The following SCUBE2 variants were observed in gnomAD, a reference collection of about 807,000 sequenced individuals.
The protein encoded by SCUBE2 is signal peptide, CUB and EGF-like domain-containing protein 2.
A neutral mutation model predicts 125.9 loss-of-function variants in SCUBE2; 114 were observed. That is an observed-to-expected ratio of 0.91 (90% CI 0.78 to 1.06). The LOEUF is 1.06. Ranked by LOEUF, SCUBE2 falls within the 50% of genes least tolerant of loss-of-function variation. The pLI, the probability that SCUBE2 is intolerant of heterozygous loss-of-function variation, is 0.00. For missense variants in SCUBE2, 1,255 were observed against 1,301.8 expected (o/e 0.96, Z 0.55); for synonymous variants, 459 against 492.9 (o/e 0.93, Z 0.91).
intron 5 of SCUBE2, among the ~76,000 whole-genome samples, chr11:9,068,962 A>G (rs115243179): frequency 0.011 from 1,633 of 152,318 alleles, 29 homozygotes; most frequent in African/African-American, 0.038. Context: ...GGAGGCATCA[A>G]AGGATTTGGG....
At chr11:9,089,959 C>T (rs971826991) in intron 1 of SCUBE2, 130 bp from the exon 2 acceptor site, 1 of 1,237,906 alleles carries the variant, frequency 8.1e-7, no homozygotes, top group African/African-American at 1.5e-5. Context: ...TGCTTGGGAT[C>T]CCTGGGATAA....
chr11:9,090,635 G>A (rs1164732732), intron 1 of SCUBE2, among the ~76,000 whole-genome samples: 2 of 151,992 alleles, frequency 1.3e-5, no homozygotes, highest in African/African-American at 4.8e-5. Context: ...CCCGGGATCG[G>A]AGCAGATGTC....
intron 10 of SCUBE2, among the ~76,000 whole-genome samples, chr11:9,054,717 ATATATATATTTTTTTTTT>A (rs1564823032): frequency 4.6e-5 from 3 of 65,928 alleles, no homozygotes; most frequent in African/African-American, 1.9e-4. Flanking sequence ...ATATATATAT[ATATATATATTTTTTTTTT>A]TTTTTTTTTT....
intron 10 of SCUBE2, among the ~76,000 whole-genome samples, chr11:9,054,701 G>GTATATATATATATATATATATATA (rs1210852364): frequency 3.5e-4 from 18 of 51,064 alleles, no homozygotes; most frequent in African/African-American, 1.6e-3. Context: ...AAGCACTAGT[G>GTATATATATATATATATATATATA]TATATATATA....
At chr11:9,044,138 T>A (rs886759223) in intron 16 of SCUBE2, among the ~76,000 whole-genome samples, 1 of 152,234 alleles carries the variant, frequency 6.6e-6, no homozygotes. Flanking sequence ...TTCAAACAAA[T>A]ACAGCCTGGG....
intron 14 of SCUBE2, among the ~76,000 whole-genome samples, chr11:9,049,647 T>C (rs1436091543): frequency 6.6e-6 from 1 of 152,160 alleles, no homozygotes; most frequent in African/African-American, 2.4e-5. Context: ...AAAATTAAAA[T>C]TACCCATGCC....
chr11:9,068,920 G>A (rs1266668337), intron 5 of SCUBE2, among the ~76,000 whole-genome samples: 3 of 152,186 alleles, frequency 2.0e-5, no homozygotes, highest in Non-Finnish European at 4.4e-5. Flanking sequence ...AGTCCACCAC[G>A]CCAGGAAGGC....
chr11:9,077,878 G>T (rs1166500419), intron 3 of SCUBE2, among the ~76,000 whole-genome samples: 1 of 152,218 alleles, frequency 6.6e-6, no homozygotes, highest in Non-Finnish European at 1.5e-5. Context: ...TGCCTTCAGG[G>T]TTTCCAAGCA....
In SCUBE2 at chr11:9,059,381, A is replaced by C; in HGVS notation, c.1012T>G (p.Cys338Gly). The C allele has an allele frequency of 6.2e-7, 1 of 1,614,266 alleles. No individual in the cohort carries two copies. The highest frequency in any genetic ancestry group is 8.5e-7 in the Non-Finnish European group (1 of 1,180,040). The part of the protein sequence containing the change: ...QTRNGGCDHF[C>G]KNIVGSFDCG... ...TCAAAACTGCCCACGATGTTTTTGC[A>C]GAAATGATCACAACCTCCATTGCGG... is the stretch of plus-strand genomic sequence containing the variant. The change falls in exon 9 of 23, where the codon TGC becomes GGC. Residue 338 changes from cysteine to glycine, a missense_variant. Cys to Gly is a radical substitution (Grantham distance 159). Around this residue, in one of 3 missense-constraint regions of SCUBE2, gnomAD observed 378 missense variants for 463.1 expected, o/e 0.82. Coordinates refer to ENST00000649792, the MANE Select transcript of SCUBE2 (RefSeq NM_001367977.2).
At chr11:9,021,287 C>T (rs1289463169) in intron 22 of SCUBE2, 90 bp from the exon 23 acceptor site, 9 of 1,110,534 alleles carry the variant, frequency 8.1e-6, no homozygotes, top group Admixed American at 3.1e-5. Flanking sequence ...AGTATTAGGC[C>T]GTAGCTTGCT....
intron 10 of SCUBE2, among the ~76,000 whole-genome samples, chr11:9,053,990 CTTTTTTTTTT>C (rs11474890): frequency 6.7e-5 from 5 of 75,064 alleles, no homozygotes; most frequent in African/African-American, 2.8e-4. Flanking sequence ...AAGCTCCACT[CTTTTTTTTTT>C]TTTTTTTTTT....
At chr11:9,029,627 C>A (rs1856109171) in intron 19 of SCUBE2, among the ~76,000 whole-genome samples, 1 of 152,162 alleles carries the variant, frequency 6.6e-6, no homozygotes, top group Non-Finnish European at 1.5e-5. Context: ...AAAATTATGC[C>A]CCAGGGAGGA....
intron 4 of SCUBE2, among the ~76,000 whole-genome samples, chr11:9,070,759 G>A (rs965683256): frequency 1.3e-5 from 2 of 152,192 alleles, no homozygotes; most frequent in African/African-American, 2.4e-5. Flanking sequence ...GTGCTTAAAC[G>A]GAACAATTGT....
intron 16 of SCUBE2, among the ~76,000 whole-genome samples, chr11:9,041,567 G>C (rs150530377): frequency 1.3e-5 from 2 of 152,206 alleles, no homozygotes; most frequent in East Asian, 3.9e-4. Context: ...GTGATCAGCA[G>C]AGAGGATGCC....
chr11:9,070,651 T>C (rs908064493), intron 4 of SCUBE2, among the ~76,000 whole-genome samples: 5 of 152,166 alleles, frequency 3.3e-5, no homozygotes, highest in African/African-American at 1.2e-4. Flanking sequence ...TTCTCTAGAA[T>C]CCAACACCCT....
intron 7 of SCUBE2, among the ~76,000 whole-genome samples, chr11:9,061,774 G>A (rs147444457): frequency 3.4e-4 from 52 of 152,266 alleles, no homozygotes; most frequent in African/African-American, 1.1e-3. Context: ...TTCTGGAAGT[G>A]ACATGTTAGC....
Position 9,019,786 on chromosome 11 carries a change from TGTA to T in SCUBE2, c.*1256_*1258del, listed in dbSNP as rs1287913589. Among the ~76,000 whole-genome samples, 1 of 152,174 alleles carries T rather than the reference TGTA, an allele frequency of 6.6e-6. No homozygotes were observed. Among genetic ancestry groups the T allele is most frequent in the African/African-American group, 2.4e-5 (1 of 41,420 alleles). On this transcript the variant is annotated 3_prime_UTR_variant, in exon 23 of 23. Transcript: ENST00000649792. ...TATTGAAATAACAAAACACTATAGT[TGTA>T]GGTAGTCCATCCATTAGGGAAGTGG...
chr11:9,090,097 C>T (rs1862507516), intron 1 of SCUBE2, among the ~76,000 whole-genome samples: 1 of 152,190 alleles, frequency 6.6e-6, no homozygotes, highest in Non-Finnish European at 1.5e-5. Flanking sequence ...CCTGCCATGA[C>T]CCCCATTGTA....
chr11:9,079,353 G>A (rs1390647748), intron 3 of SCUBE2, 31 bp downstream of exon 3: 1 of 1,613,220 alleles, frequency 6.2e-7, no homozygotes, highest in South Asian at 1.1e-5. Context: ...GAGAGTGAAG[G>A]AGAATTGCCA....
Sources: allele counts gnomAD v4.1 joint callset (sites outside exome capture counted in the v4.1 genomes callset), GRCh38; gene constraint gnomAD v4.1.1; regional missense constraint gnomAD v4.1.1; transcripts MANE v1.5; gene names NCBI Gene and HGNC (gene_info 2026-07-23, HGNC 2026-07-21).